DDRGK1: variants seen among roughly 807,000 people sequenced by gnomAD.
The protein encoded by DDRGK1 is DDRGK domain-containing protein 1.
In DDRGK1, 38 loss-of-function variants were observed where a neutral mutation model predicts 45.8. The observed-to-expected ratio is 0.83, with a 90% CI of 0.64 to 1.09. The LOEUF is 1.09. Among genes scored for constraint, DDRGK1 ranks in the 50% least tolerant of loss-of-function variants. The pLI is 0.00. For missense variants in DDRGK1, 403 were observed against 419.9 expected, an observed-to-expected ratio of 0.96 and a Z score of 0.35; for synonymous variants, 171 against 168.7, an observed-to-expected ratio of 1.01 and a Z score of -0.11.
In DDRGK1 at chr20:3,204,606, A is replaced by T; in HGVS notation, c.22T>A (p.Leu8Met). MVAPVWY[L>M]VAAALLVGFI... ...CCGACTAGCAGAGCCGCCGCTACCA[A>T]GTACCACACAGGCGCCACCATGACG... Residue 8 changes from leucine to methionine, a missense_variant, in exon 1 of 9, where the codon TTG becomes ATG. Leu to Met is a conservative substitution (Grantham distance 15, BLOSUM62 2). Coordinates refer to ENST00000354488, the MANE Select transcript of DDRGK1 (RefSeq NM_023935.3). 2 of 1,590,278 alleles carry T rather than the reference A, an allele frequency of 1.3e-6. No individual in the cohort carries two copies. Among genetic ancestry groups the T allele is most frequent in the Non-Finnish European group, 1.7e-6 (2 of 1,172,448 alleles).
chr20:3,196,643 T>C (rs2067012029), intron 4 of DDRGK1, among the ~76,000 whole-genome samples: 1 of 152,068 alleles, frequency 6.6e-6, no homozygotes, highest in South Asian at 2.1e-4. Flanking sequence ...ACTGTGCCAC[T>C]GCACTCCAGC....
intron 1 of DDRGK1, among the ~76,000 whole-genome samples, chr20:3,204,297 G>A (rs1006887992): frequency 6.6e-6 from 1 of 152,190 alleles, no homozygotes; most frequent in Admixed American, 6.5e-5. Flanking sequence ...GTTCCCGGGG[G>A]TGAAGAGAGG....
Position 3,204,554 on chromosome 20 carries a change from C to A in DDRGK1, c.74G>T (p.Arg25Leu). Residue 25 changes from arginine (R) to leucine (L), a missense_variant, in exon 1 of 9, where the codon CGG becomes CTG. Transcript: ENST00000354488. ...VGFILFLTRS[R>L]GRAASAGQEP... is the part of the protein sequence containing the mutation. ...TCTCCTACCTGATGCCGCCCGGCCC[C>A]GGCTGCGAGTCAGGAAGAGGATAAA... The A allele has an allele frequency of 6.4e-7, 1 of 1,572,308 alleles. No homozygotes were observed.
intron 6 of DDRGK1, 52 bp from the exon 7 acceptor site, chr20:3,191,873 C>T (rs759614944): frequency 1.3e-6 from 2 of 1,556,976 alleles, no homozygotes; most frequent in Non-Finnish European, 8.7e-7. Context: ...GCAAATCCCT[C>T]TAAGCATGGG....
chr20:3,202,938 G>A (rs2067046462), intron 2 of DDRGK1, among the ~76,000 whole-genome samples: 1 of 152,116 alleles, frequency 6.6e-6, no homozygotes, highest in Admixed American at 6.5e-5. Context: ...TAACAGGAAG[G>A]GTGCGAGGAT....
Position 3,197,881 on chromosome 20 carries a change from C to T in DDRGK1, c.510+2120G>A, listed in dbSNP as rs886923000. Reference sequence around the variant, plus strand: ...GAAGGTGGAGGTTGCAGTGAGCTATCGCGCCACTGCACTCCAGCCTTGAGA... The same window carrying T: ...GAAGGTGGAGGTTGCAGTGAGCTATTGCGCCACTGCACTCCAGCCTTGAGA... On this transcript the variant is annotated intron_variant, in intron 4 of 8. Transcript: ENST00000354488. 4.7e-5 allele frequency among the ~76,000 whole-genome samples: 7 copies of T among 148,594 alleles called. No individual in the cohort carries two copies. In the Admixed American group the frequency reaches 4.7e-4, roughly 10 times the overall value.
intron 1 of DDRGK1, among the ~76,000 whole-genome samples, chr20:3,203,894 C>T (rs1377921369): frequency 6.6e-6 from 1 of 152,200 alleles, no homozygotes; most frequent in African/African-American, 2.4e-5. Context: ...TCAGAGGTAG[C>T]TTGTGGGCCC....
chr20:3,197,675 A>AGATGG (rs2067017432), intron 4 of DDRGK1, among the ~76,000 whole-genome samples: 2 of 152,086 alleles, frequency 1.3e-5, no homozygotes, highest in African/African-American at 4.8e-5. Flanking sequence ...CACACATGTA[A>AGATGG]TCCCAGCACT....
At position 3,203,431 on chromosome 20, in the gene DDRGK1, G is replaced by GA. The variant is rs771498484; in HGVS notation, c.92-16dup. The GA allele has an allele frequency of 3.9e-6, 6 of 1,537,784 alleles. No individual in the cohort carries two copies. Among genetic ancestry groups the GA allele is most frequent in the Admixed American group, 4.2e-5 (2 of 47,082 alleles). ...CTCTTGGCCGGCTGTAGGGAAGACA[G>GA]AAATGACAATGCTGCCTATAAGCCC... On this transcript the variant is annotated splice_polypyrimidine_tract_variant and intron_variant, in intron 1 of 8. Coordinates refer to ENST00000354488, the MANE Select transcript of DDRGK1 (RefSeq NM_023935.3).
Position 3,195,350 on chromosome 20 carries a change from C to T in DDRGK1, c.514G>A (p.Glu172Lys). 6.3e-7 allele frequency: 1 copy of T among 1,599,734 alleles called. No homozygotes were observed. The highest frequency in any genetic ancestry group is 1.1e-5 in the South Asian group (1 of 88,424). The change falls in exon 5 of 9, where the codon GAG becomes AAG. Residue 172 changes from glutamate to lysine, a missense_variant. By Grantham distance (56) the Glu-to-Lys change is moderately conservative. Transcript: ENST00000354488. The part of the protein sequence containing the change: ...RLRLEEEQKE[E>K]EERKAREEQA... ...TCCTCGCGGGCCTTCCTCTCCTCCT[C>T]CTCCTGTGGACATAGGAGGCAAAAG...
In DDRGK1 at chr20:3,195,342, C is replaced by T. The variant is rs138877761; in HGVS notation, c.522G>A (p.Glu174=). Residue 174 remains glutamate (E), a synonymous_variant, in exon 5 of 9, where the codon GAG becomes GAA. Transcript: ENST00000354488. ...RLEEEQKEEE[E]RKAREEQAQR... ...GGGCCTGCTCCTCGCGGGCCTTCCT[C>T]TCCTCCTCCTCCTGTGGACATAGGA... The T allele has an allele frequency of 3.8e-5, 61 of 1,589,562 alleles. No individual in the cohort carries two copies. The African/African-American group carries it at 5.9e-4, about 15-fold the overall frequency.
chr20:3,191,920 C>T (rs763474849), intron 6 of DDRGK1, 99 bp from the exon 7 acceptor site: 142 of 1,265,322 alleles, frequency 1.1e-4, no homozygotes, highest in Middle Eastern at 2.7e-4. Context: ...GATCTGTTCT[C>T]GGTGGCTGGA....
chr20:3,196,573 C>G (rs1347637869), intron 4 of DDRGK1, among the ~76,000 whole-genome samples: 5 of 151,638 alleles, frequency 3.3e-5, no homozygotes, highest in Non-Finnish European at 5.9e-5. Flanking sequence ...CCCAGCTACT[C>G]GGGAGGCTGA....
intron 6 of DDRGK1, among the ~76,000 whole-genome samples, chr20:3,194,199 C>T (rs2067000374): frequency 6.6e-6 from 1 of 152,174 alleles, no homozygotes; most frequent in African/African-American, 2.4e-5. Flanking sequence ...CGCCCCCGCT[C>T]CCTCTGCACT....
intron 4 of DDRGK1, among the ~76,000 whole-genome samples, chr20:3,198,381 A>T (rs1374968091): frequency 7.8e-6 from 1 of 127,618 alleles, no homozygotes; most frequent in Non-Finnish European, 1.6e-5. Context: ...TCCAGCCTGG[A>T]GACAGAGAGG....
At chr20:3,203,019 C>T (rs962276200) in intron 2 of DDRGK1, among the ~76,000 whole-genome samples, 194 bp downstream of exon 2, 2 of 152,142 alleles carry the variant, frequency 1.3e-5, no homozygotes, top group African/African-American at 4.8e-5. Flanking sequence ...CACTGAGAGC[C>T]AAGATGAAGG....
rs2067051965 is a variant in DDRGK1, at chr20:3,203,631, A to G, written c.92-215T>C. ...CAGCCCTTCCCTCGGGCCTGTGTGA[A>G]TACTCCTCTCCCCTCCCGGCTCCAC... is the stretch of plus-strand genomic sequence containing the variant. On this transcript the variant is annotated intron_variant, in intron 1 of 8. Transcript: ENST00000354488. Among the ~76,000 whole-genome samples, 3 of 152,086 alleles carry G rather than the reference A, an allele frequency of 2.0e-5. No homozygotes were observed. The South Asian group carries it at 6.2e-4, about 32-fold the overall frequency.
intron 6 of DDRGK1, among the ~76,000 whole-genome samples, chr20:3,193,149 A>G (rs1020186070): frequency 1.3e-5 from 2 of 152,216 alleles, no homozygotes; most frequent in Non-Finnish European, 2.9e-5. Context: ...GCCTGAGCCC[A>G]GCCATGGTCA....
rs768730846 is a variant in DDRGK1 at position 3,195,356 on chromosome 20, G to A, written c.511-3C>T. ...CGGGCCTTCCTCTCCTCCTCCTCCTGTGGACATAGGAGGCAAAAGTCAGGT... is the reference window on the plus strand; with the variant it reads ...CGGGCCTTCCTCTCCTCCTCCTCCTATGGACATAGGAGGCAAAAGTCAGGT... On this transcript the variant is annotated splice_polypyrimidine_tract_variant and splice_region_variant and intron_variant, in intron 4 of 8. Coordinates refer to ENST00000354488, the MANE Select transcript of DDRGK1 (RefSeq NM_023935.3). 2 of 1,590,048 alleles carry A rather than the reference G, an allele frequency of 1.3e-6. No homozygotes were observed. The highest frequency in any genetic ancestry group is 1.7e-6 in the Non-Finnish European group (2 of 1,169,374).
Sources: gnomAD v4.1 joint callset for allele counts (sites outside exome capture counted in the v4.1 genomes callset) on GRCh38, gnomAD v4.1.1 for gene constraint, MANE v1.5 for transcripts, NCBI Gene and HGNC (gene_info 2026-07-23, HGNC 2026-07-21) for gene names.